Variants in CTDSPL2 observed in about 807,000 individuals in gnomAD.
The protein encoded by CTDSPL2 is CTD small phosphatase like 2, also known as CTD small phosphatase-like protein 2.
Under a neutral mutation model 60.0 loss-of-function variants are expected in CTDSPL2, and 5 were observed. The ratio of observed to expected loss-of-function variants is 0.08; its 90% CI spans 0.04 to 0.18. The LOEUF (loss-of-function observed/expected upper bound fraction) is 0.18, where lower values mean the gene tolerates loss of function less well. CTDSPL2 is among the 10% of genes least tolerant of loss of function. The pLI is 1.00. For missense variants in CTDSPL2, 370 were observed against 548.8 expected (o/e 0.67, Z 3.26); for synonymous variants, 186 against 189.3 (o/e 0.98, Z 0.14).
intron 2 of CTDSPL2, among the ~76,000 whole-genome samples, chr15:44,476,955 G>A (rs1202305386): frequency 6.6e-6 from 1 of 152,164 alleles, no homozygotes; most frequent in Non-Finnish European, 1.5e-5. Flanking sequence ...TGGGCACCAT[G>A]GCTTATGCCT....
rs1567054222 is a variant in CTDSPL2, at chr15:44,431,720, T to TTTG, written c.-25+3950_-25+3951insGTT. The stretch of plus-strand genomic sequence containing the variant: ...TGTTTGTTTGTTTGTTTGTTTGTTT[T>TTTG]TTTTTTTTTTTTTTTGAGACAGAGT... On this transcript the variant is annotated intron_variant, in intron 1 of 12. Transcript: ENST00000260327. 3.8e-3 allele frequency among the ~76,000 whole-genome samples: 493 copies of TTTG among 129,618 alleles called. 1 individual carries two copies. Among genetic ancestry groups the TTTG allele is most frequent in the East Asian group, 0.014 (68 of 4,782 alleles). 85.0% of individuals were successfully genotyped at this position (129,618 alleles called of 152,430 possible).
intron 1 of CTDSPL2, among the ~76,000 whole-genome samples, chr15:44,454,798 G>A (rs1350093780): frequency 1.3e-5 from 2 of 152,068 alleles, no homozygotes; most frequent in Non-Finnish European, 2.9e-5. Context: ...CTCTGTTTTG[G>A]TACCAGTACC....
chr15:44,465,918 T>C (rs1237874606), intron 2 of CTDSPL2, among the ~76,000 whole-genome samples: 3 of 150,650 alleles, frequency 2.0e-5, no homozygotes, highest in Non-Finnish European at 4.4e-5. Context: ...TTTCACCATA[T>C]TGGCCAGGCT....
At chr15:44,428,056 C>T (rs764041355) in intron 1 of CTDSPL2, 1 of 189,304 alleles carries the variant, frequency 5.3e-6, no homozygotes, top group Non-Finnish European at 1.1e-5. Flanking sequence ...TTGCTACCCA[C>T]CCCCACTCCG....
chr15:44,445,760 C>G (rs2080198717), intron 1 of CTDSPL2, among the ~76,000 whole-genome samples: 1 of 151,728 alleles, frequency 6.6e-6, no homozygotes, highest in African/African-American at 2.4e-5. Context: ...GCCTCAGCCT[C>G]CCGAGTAGCT....
At chr15:44,513,885 C>A (rs1025722763) in intron 8 of CTDSPL2, among the ~76,000 whole-genome samples, 1 of 152,136 alleles carries the variant, frequency 6.6e-6, no homozygotes, top group Admixed American at 6.6e-5. Flanking sequence ...AAGAGAGACA[C>A]AGAAATAAGA....
intron 3 of CTDSPL2, 63 bp downstream of exon 3, chr15:44,484,425 C>G (rs2081083394): frequency 6.8e-7 from 1 of 1,474,634 alleles, no homozygotes; most frequent in African/African-American, 1.4e-5. Context: ...TGACACATTT[C>G]TTATCTATTT....
intron 2 of CTDSPL2, among the ~76,000 whole-genome samples, chr15:44,477,375 A>C (rs1000594891): frequency 2.0e-5 from 3 of 150,872 alleles, no homozygotes; most frequent in Non-Finnish European, 2.9e-5. Context: ...TCTACAAAAA[A>C]ATTTTGTTTT....
At chr15:44,484,468 C>T (rs376728900) in intron 3 of CTDSPL2, 106 bp downstream of exon 3, 2 of 1,063,280 alleles carry the variant, frequency 1.9e-6, no homozygotes, top group East Asian at 2.6e-5. Context: ...GGTGCAGTGG[C>T]TCATGCCTGT....
At chr15:44,452,692 T>TG (rs2080356164) in intron 1 of CTDSPL2, among the ~76,000 whole-genome samples, 1 of 152,132 alleles carries the variant, frequency 6.6e-6, no homozygotes. Flanking sequence ...TTCTCCATCA[T>TG]TGTTACTATT....
At chr15:44,511,768 T>C (rs1295668247) in intron 8 of CTDSPL2, among the ~76,000 whole-genome samples, 1 of 145,104 alleles carries the variant, frequency 6.9e-6, no homozygotes, top group Non-Finnish European at 1.5e-5. Flanking sequence ...CTGGGGAGGC[T>C]GAGGCATGAG....
At chr15:44,487,001 C>T (rs2081132989) in intron 4 of CTDSPL2, among the ~76,000 whole-genome samples, 1 of 152,138 alleles carries the variant, frequency 6.6e-6, no homozygotes, top group African/African-American at 2.4e-5. Flanking sequence ...TCTTGACCTT[C>T]AAGTGATCCG....
At chr15:44,508,493 TTGATTAAAAGAA>T (rs1168144195) in intron 8 of CTDSPL2, among the ~76,000 whole-genome samples, 4 of 152,016 alleles carry the variant, frequency 2.6e-5, no homozygotes, top group African/African-American at 9.7e-5. Flanking sequence ...AGTCATCTTT[TTGATTAAAAGAA>T]AACAGATGTC....
intron 2 of CTDSPL2, among the ~76,000 whole-genome samples, chr15:44,482,398 C>T (rs1221429356): frequency 6.6e-6 from 1 of 152,132 alleles, no homozygotes; most frequent in Non-Finnish European, 1.5e-5. Context: ...CCCATTTTTT[C>T]CATAAGTTTT....
At chr15:44,496,537 A>G (rs1270188212) in intron 6 of CTDSPL2, 79 bp downstream of exon 6, 2 of 1,075,604 alleles carry the variant, frequency 1.9e-6, no homozygotes, top group Non-Finnish European at 2.8e-6. Flanking sequence ...TTGGTGGCTA[A>G]ATAGTATATT....
chr15:44,521,258 A>T, intron 11 of CTDSPL2, 53 bp from the exon 12 acceptor site: 1 of 895,850 alleles, frequency 1.1e-6, no homozygotes, highest in Non-Finnish European at 1.7e-6. Context: ...ACTTTTTCCA[A>T]ACTAGGTAAA....
At chr15:44,499,619 T>A in intron 7 of CTDSPL2, 108 bp from the exon 8 acceptor site, 1 of 638,702 alleles carries the variant, frequency 1.6e-6, no homozygotes, top group South Asian at 2.0e-5. Flanking sequence ...AAATGTAAAA[T>A]TCAACATATG....
chr15:44,499,362 A>C (rs1423110481), intron 7 of CTDSPL2, among the ~76,000 whole-genome samples: 1 of 152,126 alleles, frequency 6.6e-6, no homozygotes. Flanking sequence ...CTGAGATCGC[A>C]CCACTGCACT....
intron 1 of CTDSPL2, among the ~76,000 whole-genome samples, chr15:44,436,569 C>A (rs147796311): frequency 3.3e-5 from 5 of 152,210 alleles, no homozygotes; most frequent in African/African-American, 1.2e-4. Flanking sequence ...GATTGCATGA[C>A]TTAAGCAGTG....
Sources: allele counts gnomAD v4.1 joint callset (sites outside exome capture counted in the v4.1 genomes callset), GRCh38; gene constraint gnomAD v4.1.1; transcripts MANE v1.5; gene names NCBI Gene and HGNC (gene_info 2026-07-23, HGNC 2026-07-21).